The following MYRIP variants were observed in gnomAD, a reference collection of about 807,000 sequenced individuals.
MYRIP encodes the protein myosin VIIA and Rab interacting protein.
Under a neutral mutation model 98.0 loss-of-function variants are expected in MYRIP, and 49 were observed. That is an observed-to-expected ratio of 0.50 (90% CI 0.40 to 0.63). The LOEUF (loss-of-function observed/expected upper bound fraction) is 0.63, where lower values mean the gene tolerates loss of function less well. Ranked by LOEUF, MYRIP falls within the 30% of genes least tolerant of loss-of-function variation. The pLI, the probability that MYRIP is intolerant of heterozygous loss-of-function variation, is 0.00. For missense variants in MYRIP, 1,004 were observed against 1,058.2 expected (o/e 0.95, Z 0.71); for synonymous variants, 404 against 409.5 (o/e 0.99, Z 0.16).
At chr3:40,257,489 T>C (rs1328032854) in intron 16 of MYRIP, among the ~76,000 whole-genome samples, 1 of 152,202 alleles carries the variant, frequency 6.6e-6, no homozygotes, top group East Asian at 1.9e-4. Flanking sequence ...TAAATAACTC[T>C]CATATGCTTA....
At chr3:39,818,461 T>C (rs892281241) in intron 1 of MYRIP, among the ~76,000 whole-genome samples, 1 of 152,210 alleles carries the variant, frequency 6.6e-6, no homozygotes, top group South Asian at 2.1e-4. Flanking sequence ...TATAGAGTTA[T>C]CCATGGAGGT....
Position 39,986,443 on chromosome 3 carries a change from CCT to C in MYRIP, c.111-57597_111-57596del, listed in dbSNP as rs1303607704. Among the ~76,000 whole-genome samples, 4 of 144,218 alleles carry C rather than the reference CCT, an allele frequency of 2.8e-5. No homozygotes were observed. In the South Asian group the frequency reaches 6.6e-4, roughly 24 times the overall value. 94.6% of individuals were successfully genotyped at this position (144,218 alleles called of 152,430 possible). ...CACTCCCTCTCTGTCTCTTTCTCTCCCTCTCTCTCTCCCTCTCTCTCTCTCTC... is the reference window on the plus strand; with the variant it reads ...CACTCCCTCTCTGTCTCTTTCTCTCCCTCTCTCTCCCTCTCTCTCTCTCTC... On this transcript the variant is annotated intron_variant, in intron 2 of 16. Coordinates refer to ENST00000302541, the MANE Select transcript of MYRIP (RefSeq NM_015460.4).
chr3:40,224,471 C>A (rs1425699473), intron 11 of MYRIP, among the ~76,000 whole-genome samples: 1 of 151,838 alleles, frequency 6.6e-6, no homozygotes, highest in Non-Finnish European at 1.5e-5. Context: ...GAAAGGAACT[C>A]CTCCTGCCTG....
chr3:40,234,867 G>T (rs139320916), intron 12 of MYRIP, among the ~76,000 whole-genome samples: 1 of 151,796 alleles, frequency 6.6e-6, no homozygotes, highest in Non-Finnish European at 1.5e-5. Context: ...CATGGCAGGC[G>T]CCTGTAATCC....
At chr3:39,884,603 A>G (rs1344364432) in intron 1 of MYRIP, among the ~76,000 whole-genome samples, 3 of 152,142 alleles carry the variant, frequency 2.0e-5, no homozygotes, top group Non-Finnish European at 4.4e-5. Context: ...GTGTATGTAT[A>G]TAATAGAAAC....
At chr3:39,884,332 A>C (rs572357029) in intron 1 of MYRIP, among the ~76,000 whole-genome samples, 54 of 152,220 alleles carry the variant, frequency 3.5e-4, no homozygotes, top group Admixed American at 2.8e-3. Flanking sequence ...GAAAGAAAAC[A>C]CAATTGTGAT....
intron 5 of MYRIP, among the ~76,000 whole-genome samples, chr3:40,166,524 GAT>G (rs1015767824): frequency 4.0e-5 from 6 of 148,634 alleles, no homozygotes; most frequent in African/African-American, 1.3e-4. Context: ...GATCCGAGAA[GAT>G]TTGTTAGAGG....
rs1559456746 is a variant in MYRIP, at chr3:40,212,211, T to TACACAC, written c.1905+2118_1905+2119insACACAC. On this transcript the variant is annotated intron_variant, in intron 11 of 16. Coordinates refer to ENST00000302541, the MANE Select transcript of MYRIP (RefSeq NM_015460.4). ...GTGTATATACATATATATACGTGTG[T>TACACAC]GTATATATATATATACACACACACA... is the stretch of plus-strand genomic sequence containing the variant. Among the ~76,000 whole-genome samples the TACACAC allele has an allele frequency of 1.8e-3, 101 of 56,638 alleles. 21 individuals are homozygous for TACACAC. Among genetic ancestry groups the TACACAC allele is most frequent in the Middle Eastern group, 7.4e-3 (1 of 136 alleles). The allele number at this position is 56,638 out of a possible 152,430, so 37.2% of individuals were successfully genotyped here. A position where few individuals can be genotyped will look rare whatever the true frequency, so the allele number is the denominator to read the frequency against.
At chr3:40,126,598 C>T (rs1289481404) in intron 3 of MYRIP, among the ~76,000 whole-genome samples, 4 of 152,116 alleles carry the variant, frequency 2.6e-5, no homozygotes, top group South Asian at 2.1e-4. Context: ...TATTTATTCT[C>T]GTCATTTGTA....
At chr3:40,167,576 G>A (rs1950525249) in intron 7 of MYRIP, among the ~76,000 whole-genome samples, 1 of 152,184 alleles carries the variant, frequency 6.6e-6, no homozygotes, top group Non-Finnish European at 1.5e-5. Flanking sequence ...CAACTGAGAA[G>A]TGAAATTCCA....
chr3:40,044,245 G>A lies in MYRIP; in HGVS notation c.306G>A (p.Trp102Ter). 6.2e-7 allele frequency: 1 copy of A among 1,614,156 alleles called. No homozygotes were observed. The highest frequency in any genetic ancestry group is 8.5e-7 in the Non-Finnish European group (1 of 1,180,014). The change falls in exon 3 of 17, where the codon TGG becomes TGA. Residue 102 changes from tryptophan to a stop codon, truncating the protein, a stop_gained. Transcript: ENST00000302541. LOFTEE classifies it high-confidence loss of function. ...CCTACCAGAAGCACGAAAAGGCCTG[G>A]GTCTGCTGCGTCTGCCAGCAAGCGA... ...CCSYQKHEKAWVCCVCQQARL... is the reference protein window; with the variant it reads ...CCSYQKHEKA
At chr3:39,831,080 A>G (rs1241751432) in intron 1 of MYRIP, among the ~76,000 whole-genome samples, 1 of 152,154 alleles carries the variant, frequency 6.6e-6, no homozygotes, top group African/African-American at 2.4e-5. Context: ...TTTCTTCACC[A>G]GGTCTCAAGG....
intron 3 of MYRIP, among the ~76,000 whole-genome samples, chr3:40,143,876 T>C (rs1297915206): frequency 6.6e-6 from 1 of 152,254 alleles, no homozygotes; most frequent in East Asian, 1.9e-4. Context: ...ACGGATTTGC[T>C]GTAGTCTTCC....
At chr3:40,027,635 T>C (rs545223083) in intron 2 of MYRIP, among the ~76,000 whole-genome samples, 7 of 152,266 alleles carry the variant, frequency 4.6e-5, no homozygotes, top group African/African-American at 1.7e-4. Flanking sequence ...TACCTCATAA[T>C]TTATAGTTAC....
intron 1 of MYRIP, among the ~76,000 whole-genome samples, chr3:39,874,052 C>G: frequency 6.6e-6 from 1 of 150,556 alleles, no homozygotes; most frequent in East Asian, 1.9e-4. Flanking sequence ...AGAGGTCCTT[C>G]ACATCCCTTG....
chr3:39,943,007 CA>C (rs1320497133), intron 2 of MYRIP, among the ~76,000 whole-genome samples: 7 of 152,098 alleles, frequency 4.6e-5, no homozygotes, highest in African/African-American at 1.7e-4. Flanking sequence ...GAGCGGCTTC[CA>C]GTTGTGGATG....
At chr3:40,161,379 ATCTCCCC>A (rs1950391959) in intron 4 of MYRIP, among the ~76,000 whole-genome samples, 1 of 152,036 alleles carries the variant, frequency 6.6e-6, no homozygotes, top group Non-Finnish European at 1.5e-5. Context: ...ACTTTTTCAC[ATCTCCCC>A]TGTCCTTATG....
chr3:40,174,106 G>A (rs1056384240), intron 8 of MYRIP: 8 of 152,150 alleles, frequency 5.3e-5, no homozygotes, highest in Non-Finnish European at 8.8e-5. Flanking sequence ...GGAGAGAACC[G>A]TGTGGCTGTA....
At position 40,003,806 on chromosome 3, in the gene MYRIP, G is replaced by A. The variant is rs72870098; in HGVS notation, c.111-40244G>A. ...CGAAAAGCTTATACTATCACCTCTG[G>A]CCACATAGTATAAATCGTACTGTTT... On this transcript the variant is annotated intron_variant, in intron 2 of 16. Coordinates refer to ENST00000302541, the MANE Select transcript of MYRIP (RefSeq NM_015460.4). Among the ~76,000 whole-genome samples, 1,167 of 152,120 alleles carry A rather than the reference G, an allele frequency of 7.7e-3. 12 individuals carry two copies. Among genetic ancestry groups the A allele is most frequent in the African/African-American group, 0.027 (1,120 of 41,470 alleles).
Sources: allele counts gnomAD v4.1 joint callset (sites outside exome capture counted in the v4.1 genomes callset), GRCh38; gene constraint gnomAD v4.1.1; transcripts MANE v1.5; gene names NCBI Gene and HGNC (gene_info 2026-07-23, HGNC 2026-07-21).